Variants in DIP2A observed in about 807,000 individuals in gnomAD.
DIP2A encodes disco-interacting protein 2 homolog A.
A neutral mutation model predicts 177.4 loss-of-function variants in DIP2A; 85 were observed. The ratio of observed to expected loss-of-function variants is 0.48; its 90% CI spans 0.40 to 0.57. The LOEUF is 0.57. DIP2A is among the 20% of genes least tolerant of loss of function. DIP2A has a pLI of 0.00. For missense variants in DIP2A, 1,791 were observed against 2,100.2 expected (o/e 0.85, Z 2.88); for synonymous variants, 886 against 881.8 (o/e 1.00, Z -0.08).
chr21:46,501,676 G>A (rs561936118), intron 5 of DIP2A, among the ~76,000 whole-genome samples: 10 of 151,748 alleles, frequency 6.6e-5, no homozygotes, highest in East Asian at 1.9e-4. Context: ...TCATGCCTTG[G>A]CCTTTCAAAA....
intron 1 of DIP2A, among the ~76,000 whole-genome samples, chr21:46,472,634 G>A (rs1050949139): frequency 2.6e-5 from 4 of 152,208 alleles, no homozygotes; most frequent in African/African-American, 2.4e-5. Context: ...GAGGTGAACC[G>A]AAGTTGAGTG....
chr21:46,534,152 T>C (rs754315062), intron 12 of DIP2A, 39 bp downstream of exon 12: 1 of 1,492,110 alleles, frequency 6.7e-7, no homozygotes, highest in Middle Eastern at 1.7e-4. Context: ...TAAAAACATG[T>C]CCCACAGGCT....
At chr21:46,570,789 GGAGA>G (rs373583160), downstream of DIP2A, among the ~76,000 whole-genome samples, 4 of 152,088 alleles carry the variant, frequency 2.6e-5, no homozygotes, top group African/African-American at 9.7e-5. Flanking sequence ...TGGGGTTGAG[GGAGA>G]GAGAGAATAC....
In DIP2A at chr21:46,537,080, A is replaced by C. The variant is rs2059605075; in HGVS notation, c.1643-144A>C. The C allele has an allele frequency of 7.7e-6, 6 of 776,486 alleles. No homozygotes were observed. In the Admixed American group the frequency reaches 1.2e-4, roughly 15 times the overall value. The allele number at this position is 776,486 out of a possible 1,614,324, so 48.1% of individuals were successfully genotyped here. ...GAATAGATAACCAGGATTATTATTA[A>C]TTGGTATGTGGTATTTGGAAATGCT... On this transcript the variant is annotated intron_variant, in intron 13 of 37. Transcript: ENST00000417564. The surrounding 1 kb of genome is among the most constrained non-coding windows in gnomAD (Gnocchi z 4.1).
intron 5 of DIP2A, among the ~76,000 whole-genome samples, chr21:46,503,653 TTCTTTC>T (rs2057810805): frequency 2.1e-5 from 1 of 47,234 alleles, no homozygotes; most frequent in Admixed American, 1.9e-4. Context: ...TTCTTTCTTT[TTCTTTC>T]TTTCTTTTTC....
At chr21:46,576,543 A>AT in the DIP2A span, among the ~76,000 whole-genome samples, 3 of 152,166 alleles carry the variant, frequency 2.0e-5, no homozygotes, top group African/African-American at 7.2e-5. Context: ...ATTTGGGTTG[A>AT]TTCCATGCCT....
intron 6 of DIP2A, among the ~76,000 whole-genome samples, chr21:46,506,825 A>T: frequency 2.7e-5 from 2 of 74,408 alleles, no homozygotes; most frequent in Non-Finnish European, 2.6e-5. Context: ...TTTTTTTGAG[A>T]CGGAGTTTCA....
chr21:46,566,778 C>A, intron 37 of DIP2A, 95 bp downstream of exon 37: 1 of 1,501,068 alleles, frequency 6.7e-7, no homozygotes, highest in Non-Finnish European at 9.1e-7. Context: ...GCAAGGACTG[C>A]TGGGCCCTGG....
chr21:46,561,359 A>T, intron 33 of DIP2A: 1 of 352,026 alleles, frequency 2.8e-6, no homozygotes, highest in South Asian at 2.4e-5. Flanking sequence ...CTGTGGTCAG[A>T]TGTGTATCAG....
chr21:46,491,582 A>G (rs1376205540), intron 3 of DIP2A, among the ~76,000 whole-genome samples: 1 of 152,206 alleles, frequency 6.6e-6, no homozygotes, highest in Non-Finnish European at 1.5e-5. Flanking sequence ...AAAATATTAT[A>G]CCAAATTTAA....
intron 1 of DIP2A, among the ~76,000 whole-genome samples, chr21:46,469,484 G>A (rs12106325): frequency 0.076 from 11,563 of 152,282 alleles, 1,068 homozygotes; most frequent in African/African-American, 0.23. Context: ...GTAGGATCCA[G>A]GCTAAGCTGG....
chr21:46,551,053 G>A (rs1273459731), intron 23 of DIP2A, among the ~76,000 whole-genome samples: 1 of 152,208 alleles, frequency 6.6e-6, no homozygotes, highest in Non-Finnish European at 1.5e-5. Flanking sequence ...GCTCCCTAGG[G>A]CTAGAAATGC....
chr21:46,478,777 T>C (rs974266259), intron 1 of DIP2A, among the ~76,000 whole-genome samples: 19 of 152,192 alleles, frequency 1.2e-4, no homozygotes, highest in Non-Finnish European at 2.8e-4. Flanking sequence ...CAATCCTGCT[T>C]TTTAATTCCC....
the DIP2A span, among the ~76,000 whole-genome samples, chr21:46,579,488 C>T: frequency 6.6e-6 from 1 of 152,052 alleles, no homozygotes; most frequent in Non-Finnish European, 1.5e-5. Flanking sequence ...TTCTTGTCTT[C>T]TGCTAGCTTT....
At chr21:46,577,766 C>T in the DIP2A span, among the ~76,000 whole-genome samples, 3 of 152,174 alleles carry the variant, frequency 2.0e-5, no homozygotes, top group African/African-American at 4.8e-5. Flanking sequence ...TATCCATGAG[C>T]ATGGAATGTT....
chr21:46,461,372 G>C (rs73381196), intron 1 of DIP2A, among the ~76,000 whole-genome samples: 11,562 of 150,550 alleles, frequency 0.077, 1,071 homozygotes, highest in African/African-American at 0.23. Flanking sequence ...TTAGGAATGG[G>C]TTTGACAGGA....
intron 2 of DIP2A, among the ~76,000 whole-genome samples, chr21:46,487,230 A>G (rs1353633497): frequency 6.6e-6 from 1 of 152,260 alleles, no homozygotes; most frequent in Non-Finnish European, 1.5e-5. Context: ...TTGGTATGAT[A>G]TATTTTATAA....
At chr21:46,529,743 T>A (rs73907512) in intron 9 of DIP2A, among the ~76,000 whole-genome samples, 5,436 of 152,290 alleles carry the variant, frequency 0.036, 304 homozygotes, top group African/African-American at 0.12. Flanking sequence ...TGACTTCATA[T>A]ATGTTGATAT....
At chr21:46,558,061 A>T (rs1254103642) in intron 31 of DIP2A, among the ~76,000 whole-genome samples, 162 bp from the exon 32 acceptor site, 1 of 152,168 alleles carries the variant, frequency 6.6e-6, no homozygotes, top group Non-Finnish European at 1.5e-5. Context: ...CGTTTAGCGC[A>T]TCCACACGTA....
Sources: gnomAD v4.1 joint callset for allele counts (sites outside exome capture counted in the v4.1 genomes callset) on GRCh38, gnomAD v4.1.1 for gene constraint, Gnocchi (gnomAD v3.1) non-coding constraint, MANE v1.5 for transcripts, NCBI Gene and HGNC (gene_info 2026-07-23, HGNC 2026-07-21) for gene names.